SRBD1: variants seen among roughly 807,000 people sequenced by gnomAD.
SRBD1 encodes S1 RNA-binding domain-containing protein 1.
In SRBD1, 88 loss-of-function variants were observed where a neutral mutation model predicts 115.3. The ratio of observed to expected loss-of-function variants is 0.76; its 90% CI spans 0.64 to 0.91. The LOEUF is 0.91. Among genes scored for constraint, SRBD1 ranks in the 40% least tolerant of loss-of-function variants. The probability of loss-of-function intolerance (pLI) is 0.00; values close to 1 mark genes in which losing one functional copy is unlikely to be tolerated. For synonymous variants in SRBD1, 509 were observed against 407.7 expected, an observed-to-expected ratio of 1.25 and a Z score of -2.99; for missense variants, 1,385 against 1,177.4, an observed-to-expected ratio of 1.18 and a Z score of -2.58.
intron 14 of SRBD1, among the ~76,000 whole-genome samples, chr2:45,523,327 G>A (rs1470936438): frequency 7.0e-6 from 1 of 143,288 alleles, no homozygotes; most frequent in African/African-American, 2.6e-5. Flanking sequence ...AAGGAAGGAA[G>A]TAATAAAGAT....
rs930964464 is a variant in SRBD1, at chr2:45,463,646, G to A, written c.2049+13347C>T. Among the ~76,000 whole-genome samples, 3 of 152,054 alleles carry A rather than the reference G, an allele frequency of 2.0e-5. No homozygotes were observed. The South Asian group carries it at 6.2e-4, about 32-fold the overall frequency. On this transcript the variant is annotated intron_variant, in intron 16 of 20. Coordinates refer to ENST00000263736, the MANE Select transcript of SRBD1 (RefSeq NM_018079.5). ...TTATATTACATGGTTTTTTCCATGA[G>A]TAAAGTTAAACATTACATCCAAGAT... is the stretch of plus-strand genomic sequence containing the variant.
At chr2:45,545,315 A>AAAAAAAAAAAAAAAAAAAAC (rs1209226372) in intron 14 of SRBD1, among the ~76,000 whole-genome samples, 2 of 123,622 alleles carry the variant, frequency 1.6e-5, no homozygotes, top group East Asian at 2.5e-4. Flanking sequence ...AAAAAAAAAA[A>AAAAAAAAAAAAAAAAAAAAC]CAGATGAACC....
intron 14 of SRBD1, among the ~76,000 whole-genome samples, chr2:45,517,105 A>G (rs188322613): frequency 2.6e-5 from 4 of 152,350 alleles, no homozygotes; most frequent in East Asian, 1.9e-4. Flanking sequence ...GAAGGGTTGT[A>G]CTAATTCATA....
intron 19 of SRBD1, among the ~76,000 whole-genome samples, chr2:45,400,088 T>A (rs1425917483): frequency 6.6e-6 from 1 of 152,126 alleles, no homozygotes; most frequent in Admixed American, 6.6e-5. Context: ...ATCAAAAAAT[T>A]TGAAAATGCT....
chr2:45,414,839 CACACATAT>C (rs1667753361), intron 18 of SRBD1, among the ~76,000 whole-genome samples: 1 of 143,804 alleles, frequency 7.0e-6, no homozygotes, highest in African/African-American at 2.7e-5. Context: ...AGTATGTACA[CACACATAT>C]AGTGTGTATA....
chr2:45,538,190 T>C (rs890302927), intron 14 of SRBD1, among the ~76,000 whole-genome samples: 1 of 152,124 alleles, frequency 6.6e-6, no homozygotes, highest in East Asian at 1.9e-4. Flanking sequence ...AAGGGAAATC[T>C]CAGAAAACAA....
rs543793868 is a variant in SRBD1 at position 45,592,677 on chromosome 2, GT to G, written c.648+6771del. Among the ~76,000 whole-genome samples, 11 of 152,220 alleles carry G rather than the reference GT, an allele frequency of 7.2e-5. No individual in the cohort carries two copies. In the South Asian group the frequency reaches 1.9e-3, roughly 26 times the overall value. On this transcript the variant is annotated intron_variant, in intron 4 of 20. Coordinates refer to ENST00000263736, the MANE Select transcript of SRBD1 (RefSeq NM_018079.5). ...TCAGTAACTTGGATACCTTCCACTG[GT>G]AACAAAGCCATTCAACAATGGATCC...
intron 16 of SRBD1, among the ~76,000 whole-genome samples, chr2:45,442,085 T>C (rs959198839): frequency 6.6e-6 from 1 of 152,218 alleles, no homozygotes; most frequent in African/African-American, 2.4e-5. Context: ...AAGTACAGCA[T>C]CTTGTCATAC....
intron 14 of SRBD1, among the ~76,000 whole-genome samples, chr2:45,489,819 C>T (rs899239053): frequency 3.9e-5 from 6 of 152,008 alleles, no homozygotes; most frequent in Non-Finnish European, 8.8e-5. Context: ...ACCAGGTAAC[C>T]CTTAAATAGT....
At chr2:45,461,519 C>G (rs1219970711) in intron 16 of SRBD1, among the ~76,000 whole-genome samples, 1 of 152,144 alleles carries the variant, frequency 6.6e-6, no homozygotes, top group Non-Finnish European at 1.5e-5. Flanking sequence ...CAAGTGCTTT[C>G]TATATACTGC....
intron 5 of SRBD1, among the ~76,000 whole-genome samples, chr2:45,582,383 A>T (rs1224529254): frequency 2.6e-5 from 4 of 152,176 alleles, no homozygotes; most frequent in African/African-American, 9.7e-5. Context: ...GTGACAAATG[A>T]TTTTGATTTG....
intron 14 of SRBD1, among the ~76,000 whole-genome samples, chr2:45,497,713 C>T (rs1039990090): frequency 6.7e-5 from 10 of 149,270 alleles, no homozygotes; most frequent in Non-Finnish European, 1.0e-4. Flanking sequence ...CAACCATCAC[C>T]AAAATTCAAT....
intron 16 of SRBD1, among the ~76,000 whole-genome samples, chr2:45,473,847 G>A (rs925976899): frequency 3.3e-5 from 5 of 152,154 alleles, no homozygotes; most frequent in African/African-American, 9.7e-5. Flanking sequence ...TCTGTCTTCA[G>A]TTCAGGAAAA....
At chr2:45,488,120 A>C (rs1339788163) in intron 15 of SRBD1, 120 bp downstream of exon 15, 14 of 768,162 alleles carry the variant, frequency 1.8e-5, no homozygotes, top group Non-Finnish European at 3.0e-5. Context: ...TAATATGCCA[A>C]TTCTTATGCA....
chr2:45,579,641 A>G (rs540243305), intron 7 of SRBD1, among the ~76,000 whole-genome samples: 2 of 152,158 alleles, frequency 1.3e-5, no homozygotes, highest in South Asian at 4.2e-4. Context: ...TAATAATTTT[A>G]AAAAGAACAA....
chr2:45,558,675 C>A (rs1410144628), intron 10 of SRBD1, among the ~76,000 whole-genome samples: 1 of 150,322 alleles, frequency 6.7e-6, no homozygotes, highest in Admixed American at 6.7e-5. Context: ...ATTGTTCAAG[C>A]CACACAATTA....
chr2:45,566,117 G>A (rs1177668247), intron 9 of SRBD1, among the ~76,000 whole-genome samples: 1 of 152,226 alleles, frequency 6.6e-6, no homozygotes, highest in Non-Finnish European at 1.5e-5. Context: ...TGGTGAGAAT[G>A]TAAAAATGGC....
At chr2:45,423,817 C>T (rs1668075613) in intron 16 of SRBD1, among the ~76,000 whole-genome samples, 1 of 152,002 alleles carries the variant, frequency 6.6e-6, no homozygotes, top group Admixed American at 6.6e-5. Flanking sequence ...AAACTAAATC[C>T]AACAGCCTAT....
chr2:45,398,884 G>A (rs531452256), intron 19 of SRBD1, among the ~76,000 whole-genome samples: 5 of 152,076 alleles, frequency 3.3e-5, no homozygotes, highest in East Asian at 3.8e-4. Context: ...ACAACTGTAC[G>A]TATACCTCTA....
Sources: allele counts gnomAD v4.1 joint callset (sites outside exome capture counted in the v4.1 genomes callset), GRCh38; gene constraint gnomAD v4.1.1; transcripts MANE v1.5; gene names NCBI Gene and HGNC (gene_info 2026-07-23, HGNC 2026-07-21).